Variants in CLIP1 observed in about 807,000 individuals in gnomAD.
The protein encoded by CLIP1 is CAP-Gly domain containing linker protein 1.
A neutral mutation model predicts 161.6 loss-of-function variants in CLIP1; 66 were observed. That is an observed-to-expected ratio of 0.41 (90% CI 0.33 to 0.50). The LOEUF (loss-of-function observed/expected upper bound fraction) is 0.50, where lower values mean the gene tolerates loss of function less well. CLIP1 is among the 20% of genes least tolerant of loss of function. CLIP1 has a pLI of 0.27. For synonymous variants in CLIP1, 598 were observed against 626.2 expected (o/e 0.96, Z 0.67); for missense variants, 1,376 against 1,702.0 (o/e 0.81, Z 3.37).
chr12:122,419,490 G>A lies in CLIP1; in HGVS notation c.-107+3031C>T, dbSNP rs140411358. On this transcript the variant is annotated intron_variant, in intron 1 of 25. Transcript: ENST00000620786. ...GGCCTTGATATATCTATTCAAGGAA[G>A]ACCAGAAATCTACCTGTAAGTAATA... Among the ~76,000 whole-genome samples, 180 of 152,214 alleles carry A rather than the reference G, an allele frequency of 1.2e-3. 1 individual carries two copies. In the South Asian group the frequency reaches 0.015, roughly 12 times the overall value.
At chr12:122,397,473 G>A (rs1360055068) in intron 1 of CLIP1, among the ~76,000 whole-genome samples, 2 of 137,176 alleles carry the variant, frequency 1.5e-5, no homozygotes, top group African/African-American at 2.8e-5. Context: ...AGTGGTGCAC[G>A]CCTGTAATCT....
At chr12:122,382,487 A>T (rs910695518) in intron 1 of CLIP1, among the ~76,000 whole-genome samples, 2 of 151,570 alleles carry the variant, frequency 1.3e-5, no homozygotes, top group Non-Finnish European at 2.9e-5. Context: ...TAGGCAACTG[A>T]GCGAGACACC....
intron 20 of CLIP1, among the ~76,000 whole-genome samples, chr12:122,289,900 C>T (rs1475743670): frequency 1.3e-5 from 2 of 151,858 alleles, no homozygotes; most frequent in Non-Finnish European, 2.9e-5. Context: ...CCTCTGCCTC[C>T]CAGGTTCAAG....
At chr12:122,395,700 G>C (rs1313955528) in intron 1 of CLIP1, 2 of 152,326 alleles carry the variant, frequency 1.3e-5, no homozygotes, top group South Asian at 4.1e-4. Flanking sequence ...CTAAATAGCT[G>C]AACACCAGTC....
At chr12:122,295,030 T>A (rs1009384280) in intron 20 of CLIP1, among the ~76,000 whole-genome samples, 2 of 149,716 alleles carry the variant, frequency 1.3e-5, no homozygotes, top group Non-Finnish European at 3.0e-5. Context: ...CACTCCAGCC[T>A]GGGAGACAGA....
In CLIP1 at chr12:122,377,911, A is replaced by C; in HGVS notation, c.135T>G (p.Thr45=). The change falls in exon 3 of 26, where the codon ACT becomes ACG. Residue 45 remains threonine, a synonymous_variant. Coordinates refer to ENST00000620786, the MANE Select transcript of CLIP1 (RefSeq NM_001247997.2). ...KTISSEKASS[T]PSSETQEEFV... Reference sequence around the variant, plus strand: ...ATTCCTCCTGAGTCTCAGATGATGGAGTGCTTGATGCTTTTTCACTGGATA... The same window carrying C: ...ATTCCTCCTGAGTCTCAGATGATGGCGTGCTTGATGCTTTTTCACTGGATA... 1.2e-6 allele frequency: 2 copies of C among 1,613,890 alleles called. No homozygotes were observed. Among genetic ancestry groups the C allele is most frequent in the Non-Finnish European group, 1.7e-6 (2 of 1,179,970 alleles).
chr12:122,366,840 C>CA (rs1454321907), intron 3 of CLIP1, among the ~76,000 whole-genome samples: 2 of 151,384 alleles, frequency 1.3e-5, no homozygotes. Flanking sequence ...GACCTTGTCT[C>CA]AAAAAAAAGA....
rs530336874 is a variant in CLIP1 at position 122,357,724 on chromosome 12, C to A, written c.1006-2412G>T. 8.4e-3 allele frequency among the ~76,000 whole-genome samples: 1,207 copies of A among 143,210 alleles called. 24 individuals carry two copies. Among genetic ancestry groups the A allele is most frequent in the African/African-American group, 0.029 (1,124 of 38,744 alleles). 94.0% of individuals were successfully genotyped at this position (143,210 alleles called of 152,430 possible). A position where few individuals can be genotyped will look rare whatever the true frequency, so the allele number is the denominator to read the frequency against. ...CCCCTGCCCAGCCAGCCGCCCCGTC[C>A]GGGAGGTGAGGGGCGCCTCTGCCCG... On this transcript the variant is annotated intron_variant, in intron 5 of 25. Transcript: ENST00000620786.
intron 17 of CLIP1, chr12:122,322,028 T>C (rs941224836): frequency 7.2e-5 from 11 of 152,290 alleles, no homozygotes; most frequent in African/African-American, 2.7e-4. Context: ...TAAGCAGAAA[T>C]GAAGAAAGAT....
chr12:122,364,700 TG>T, intron 3 of CLIP1: 1 of 503,742 alleles, frequency 2.0e-6, no homozygotes, highest in South Asian at 1.5e-5. Context: ...CCACCACTCT[TG>T]GACCTCACTT....
chr12:122,275,978 C>T (rs1014869468), intron 24 of CLIP1, among the ~76,000 whole-genome samples: 2 of 152,040 alleles, frequency 1.3e-5, no homozygotes, highest in Non-Finnish European at 2.9e-5. Context: ...CAGGAGGGAC[C>T]GCTCTTATCC....
rs929032489 is a variant in CLIP1, at chr12:122,356,140, T to C, written c.1006-828A>G. On this transcript the variant is annotated intron_variant, in intron 5 of 25. Coordinates refer to ENST00000620786, the MANE Select transcript of CLIP1 (RefSeq NM_001247997.2). Reference sequence around the variant, plus strand: ...ACCAGGAAGAAACTCCTGTTGTCTTTTTTAACCATTTGACCTTGACCTTCC... The same window carrying C: ...ACCAGGAAGAAACTCCTGTTGTCTTCTTTAACCATTTGACCTTGACCTTCC... 10 of 152,236 alleles carry C rather than the reference T, an allele frequency of 6.6e-5. No homozygotes were observed. In the East Asian group the frequency reaches 1.2e-3, roughly 18 times the overall value. 9.4% of individuals were successfully genotyped at this position (152,236 alleles called of 1,614,324 possible).
At chr12:122,354,598 CCAGATA>C in intron 6 of CLIP1, 42 bp from the exon 7 acceptor site, 1 of 1,494,978 alleles carries the variant, frequency 6.7e-7, no homozygotes, top group Non-Finnish European at 9.3e-7. Context: ...TATTTCTGAC[CCAGATA>C]CAGACCCAGT....
rs1953285660 is a variant in CLIP1, at chr12:122,355,380, T to C, written c.1006-68A>G. The C allele has an allele frequency of 1.4e-6, 2 of 1,422,930 alleles. No homozygotes were observed. The highest frequency in any genetic ancestry group is 2.0e-6 in the Non-Finnish European group (2 of 1,021,602). The allele number at this position is 1,422,930 out of a possible 1,614,324, so 88.1% of individuals were successfully genotyped here. A position where few individuals can be genotyped will look rare whatever the true frequency, so the allele number is the denominator to read the frequency against. Reference sequence around the variant, plus strand: ...AGAAAAGCGAGGGAGGCGCGATGCATGCATGGCGGGCATCTGCTCGGCAAA... The same window carrying C: ...AGAAAAGCGAGGGAGGCGCGATGCACGCATGGCGGGCATCTGCTCGGCAAA... On this transcript the variant is annotated intron_variant, in intron 5 of 25. Coordinates refer to ENST00000620786, the MANE Select transcript of CLIP1 (RefSeq NM_001247997.2). The surrounding 1 kb of genome is among the most constrained non-coding windows in gnomAD (Gnocchi z 4.1).
intron 20 of CLIP1, 136 bp downstream of exon 20, chr12:122,309,626 A>G (rs992833786): frequency 1.0e-6 from 1 of 1,004,902 alleles, no homozygotes; most frequent in Non-Finnish European, 1.5e-6. Context: ...GGAGACACAT[A>G]GCACAGGTAA....
At position 122,380,482 on chromosome 12, in the gene CLIP1, T is replaced by C. The variant is rs1803290; in HGVS notation, c.-30A>G. The C allele has an allele frequency of 0.24, 341,277 of 1,441,282 alleles. 41,359 individuals are homozygous for C. Among genetic ancestry groups the C allele is most frequent in the Admixed American group, 0.29 (16,740 of 57,318 alleles). The allele number at this position is 1,441,282 out of a possible 1,614,324, so 89.3% of individuals were successfully genotyped here. ...TTTGTATGTCAGAGCTGTTTCTCCT[T>C]TGCCTGTTGCCACTATCTTTCCCCA... On this transcript the variant is annotated 5_prime_UTR_variant, in exon 2 of 26. Coordinates refer to ENST00000620786, the MANE Select transcript of CLIP1 (RefSeq NM_001247997.2).
intron 20 of CLIP1, among the ~76,000 whole-genome samples, chr12:122,307,140 C>G (rs150200738): frequency 0.01 from 1,576 of 151,074 alleles, 13 homozygotes; most frequent in Non-Finnish European, 0.018. Flanking sequence ...TCCCGAGTAG[C>G]TGGGATTACA....
intron 15 of CLIP1, 93 bp downstream of exon 15, chr12:122,332,894 G>A (rs550529772): frequency 4.8e-5 from 48 of 1,000,142 alleles, no homozygotes; most frequent in Middle Eastern, 2.4e-4. Context: ...ACTTTAAAAC[G>A]TAACAATCCT....
intron 4 of CLIP1, among the ~76,000 whole-genome samples, chr12:122,362,117 C>A (rs2136588103): frequency 6.6e-6 from 1 of 151,674 alleles, no homozygotes; most frequent in South Asian, 2.1e-4. Context: ...CCCTGCCTGG[C>A]TGATTTTTGT....
Sources: gnomAD v4.1 joint callset for allele counts (sites outside exome capture counted in the v4.1 genomes callset) on GRCh38, gnomAD v4.1.1 for gene constraint, Gnocchi (gnomAD v3.1) non-coding constraint, MANE v1.5 for transcripts, NCBI Gene and HGNC (gene_info 2026-07-23, HGNC 2026-07-21) for gene names.